The following PNLDC1 variants were observed in gnomAD, a reference collection of about 807,000 sequenced individuals.
PNLDC1 encodes the protein poly(A)-specific ribonuclease PNLDC1.
PNLDC1 carries 70 observed loss-of-function variants against 82.0 expected under a neutral mutation model. The observed-to-expected ratio is 0.85, with a 90% CI of 0.70 to 1.04. The LOEUF (loss-of-function observed/expected upper bound fraction) is 1.04, where lower values mean the gene tolerates loss of function less well. PNLDC1 is among the 50% of genes least tolerant of loss of function. The pLI, the probability that PNLDC1 is intolerant of heterozygous loss-of-function variation, is 0.00. For missense variants in PNLDC1, 631 were observed against 661.1 expected, an observed-to-expected ratio of 0.95 and a Z score of 0.50; for synonymous variants, 280 against 249.3, an observed-to-expected ratio of 1.12 and a Z score of -1.16.
chr6:159,809,252 C>A (rs1781564165), intron 9 of PNLDC1, 94 bp downstream of exon 9: 13 of 1,479,064 alleles, frequency 8.8e-6, no homozygotes, highest in Non-Finnish European at 1.0e-5. Flanking sequence ...AGATAAAATT[C>A]TTTGAGATAA....
chr6:159,820,260 T>C (rs932938349), intron 18 of PNLDC1, among the ~76,000 whole-genome samples, 194 bp from the exon 19 acceptor site: 7 of 152,192 alleles, frequency 4.6e-5, no homozygotes, highest in Admixed American at 2.0e-4. Context: ...AAACCCTTTT[T>C]CTTTCAACCT....
intron 1 of PNLDC1, 119 bp from the exon 2 acceptor site, chr6:159,800,653 A>T (rs769882653): frequency 1.9e-6 from 3 of 1,582,260 alleles, no homozygotes; most frequent in African/African-American, 1.4e-5. Context: ...TCCTGACCTC[A>T]CTTGGCTTCT....
At chr6:159,803,936 T>C in intron 4 of PNLDC1, 29 bp from the exon 5 acceptor site, 1 of 1,593,864 alleles carries the variant, frequency 6.3e-7, no homozygotes, top group Admixed American at 1.8e-5. Flanking sequence ...TGGTTGTGGC[T>C]TTTTCTCTGT....
In PNLDC1 at chr6:159,819,257, G is replaced by A. The variant is rs747934645; in HGVS notation, c.1437G>A (p.Ala479=). ...FLLLTNKFKD[A]RNILKEYRDH... is the part of the protein sequence containing the mutation. Reference sequence around the variant, plus strand: ...CACAGCAAACTTGTTTTGGCAGTGCGCGGAACATCCTGAAGGAGTACCGGG... The same window carrying A: ...CACAGCAAACTTGTTTTGGCAGTGCACGGAACATCCTGAAGGAGTACCGGG... Residue 479 remains alanine (A), a synonymous_variant, in exon 18 of 19, where the codon GCG becomes GCA. Transcript: ENST00000392167. This position sits in a 1 kb window ranked among gnomAD's most constrained non-coding sequence, Gnocchi z 4.6. The A allele has an allele frequency of 1.3e-5, 21 of 1,613,680 alleles. No individual in the cohort carries two copies. Among genetic ancestry groups the A allele is most frequent in the African/African-American group, 5.3e-5 (4 of 74,888 alleles).
chr6:159,818,680 C>T (rs5012271), intron 16 of PNLDC1, 26 bp downstream of exon 16: 408,817 of 1,594,564 alleles, frequency 0.26, 53,464 homozygotes, highest in Middle Eastern at 0.31. Flanking sequence ...TTGGCCCCCT[C>T]GCCCCATTCA....
Position 159,800,283 on chromosome 6 carries a change from G to C in PNLDC1, c.-25G>C. On this transcript the variant is annotated 5_prime_UTR_variant, in exon 1 of 19. Transcript: ENST00000392167. The stretch of plus-strand genomic sequence containing the variant: ...ACGTGGGCAGCACGTGATAGCGCTG[G>C]GCGACTCCGCGGAGCTGCACGGCCA... The C allele has an allele frequency of 2.6e-6, 4 of 1,539,938 alleles. No homozygotes were observed. The East Asian group carries it at 9.9e-5, about 38-fold the overall frequency.
chr6:159,818,479 C>A, intron 15 of PNLDC1, 76 bp from the exon 16 acceptor site: 1 of 1,324,400 alleles, frequency 7.6e-7, no homozygotes, highest in Non-Finnish European at 1.1e-6. Flanking sequence ...GTTCTGTCAC[C>A]GGATTCTTGG....
At position 159,811,639 on chromosome 6, in the gene PNLDC1, G is replaced by A. The variant is rs544779956; in HGVS notation, c.854-62G>A. ...CCAGTGGCAAGCTAGGTTCAAGAAT[G>A]TTCCTTCCCATTTTTGCCAACAAAC... On this transcript the variant is annotated intron_variant, in intron 10 of 18. Transcript: ENST00000392167. The A allele has an allele frequency of 1.7e-5, 23 of 1,344,324 alleles. No homozygotes were observed. The East Asian group carries it at 4.8e-4, about 28-fold the overall frequency. 83.3% of individuals were successfully genotyped at this position (1,344,324 alleles called of 1,614,324 possible).
intron 7 of PNLDC1, among the ~76,000 whole-genome samples, chr6:159,806,892 T>G (rs944675009): frequency 6.7e-6 from 1 of 149,514 alleles, no homozygotes; most frequent in Non-Finnish European, 1.5e-5. Context: ...AGCTGCCTTT[T>G]TTTTTTTTTT....
Position 159,800,764 on chromosome 6 carries a change from C to T in PNLDC1, c.77-8C>T. 1.2e-6 allele frequency: 2 copies of T among 1,614,172 alleles called. No individual in the cohort carries two copies. Among genetic ancestry groups the T allele is most frequent in the South Asian group, 2.2e-5 (2 of 91,074 alleles). On this transcript the variant is annotated splice_polypyrimidine_tract_variant and splice_region_variant and intron_variant, in intron 1 of 18. Coordinates refer to ENST00000392167, the MANE Select transcript of PNLDC1 (RefSeq NM_001271862.2). ...CCCGAGGACTGCTATTTTTTGCCTT[C>T]CTGGCAGGTCTGGACATAGAGTTCA...
Position 159,819,110 on chromosome 6 carries a change from T to A in PNLDC1, c.1422T>A (p.Asn474Lys). Residue 474 changes from asparagine to lysine, a missense_variant, in exon 17 of 19, where the codon AAT becomes AAA. Transcript: ENST00000392167. This position sits in a 1 kb window ranked among gnomAD's most constrained non-coding sequence, Gnocchi z 4.6. ...GAAGCCAGTTCTTACTCCTGACCAA[T>A]AAGTTTAAGGAGTAGGTGCCTCTAA... ...LTRSQFLLLT[N>K]KFKDARNILK... is the part of the protein sequence containing the mutation. The A allele has an allele frequency of 6.2e-7, 1 of 1,614,000 alleles. No individual in the cohort carries two copies. The highest frequency in any genetic ancestry group is 8.5e-7 in the Non-Finnish European group (1 of 1,179,970).
intron 9 of PNLDC1, 144 bp downstream of exon 9, chr6:159,809,302 G>C (rs1781565798): frequency 2.7e-6 from 3 of 1,120,262 alleles, no homozygotes; most frequent in Non-Finnish European, 3.8e-6. Context: ...TTTACTTTCA[G>C]ATAGGGTCTC....
At chr6:159,800,242 G>A (rs1307974939), upstream of PNLDC1, 4 of 1,457,522 alleles carry the variant, frequency 2.7e-6, 1 homozygote, top group South Asian at 1.3e-5. Flanking sequence ...CGGCGCGACG[G>A]AAGCGCGTGG....
intron 14 of PNLDC1, 107 bp downstream of exon 14, chr6:159,816,703 G>A: frequency 1.0e-6 from 1 of 987,836 alleles, no homozygotes. Context: ...GAGGATCTCG[G>A]CTCACTGCAG....
chr6:159,808,548 C>T (rs1052262230), intron 7 of PNLDC1, among the ~76,000 whole-genome samples, 192 bp from the exon 8 acceptor site: 8 of 111,104 alleles, frequency 7.2e-5, no homozygotes, highest in African/African-American at 2.1e-4. Flanking sequence ...AAAAAAAAAA[C>T]TCTTAGAATG....
chr6:159,817,938 C>T (rs1220805839), intron 15 of PNLDC1, among the ~76,000 whole-genome samples: 2 of 152,226 alleles, frequency 1.3e-5, no homozygotes, highest in African/African-American at 4.8e-5. Flanking sequence ...CAGCCTAACC[C>T]CCTCTCTTGT....
chr6:159,805,912 C>A, intron 6 of PNLDC1, 71 bp from the exon 7 acceptor site: 1 of 1,119,520 alleles, frequency 8.9e-7, no homozygotes, highest in Non-Finnish European at 1.4e-6. Context: ...AAACTGCTCT[C>A]ATGTTAACAT....
chr6:159,818,119 C>T (rs1025003303), intron 15 of PNLDC1, among the ~76,000 whole-genome samples: 1 of 152,156 alleles, frequency 6.6e-6, no homozygotes, highest in African/African-American at 2.4e-5. Flanking sequence ...TTGCCGGGGC[C>T]CTGCGCTCAG....
chr6:159,813,564 C>G (rs751758979), intron 11 of PNLDC1, 37 bp from the exon 12 acceptor site: 3 of 1,577,600 alleles, frequency 1.9e-6, no homozygotes, highest in Non-Finnish European at 1.7e-6. Flanking sequence ...AACAAAAGCG[C>G]AAATGTTTTC....
Sources: gnomAD v4.1 joint callset for allele counts (sites outside exome capture counted in the v4.1 genomes callset) on GRCh38, gnomAD v4.1.1 for gene constraint, Gnocchi (gnomAD v3.1) non-coding constraint, MANE v1.5 for transcripts, NCBI Gene and HGNC (gene_info 2026-07-23, HGNC 2026-07-21) for gene names.